CEP112: variants seen among roughly 807,000 people sequenced by gnomAD.
CEP112 encodes the protein centrosomal protein 112.
In CEP112, 127 loss-of-function variants were observed where a neutral mutation model predicts 153.0. The ratio of observed to expected loss-of-function variants is 0.83; its 90% confidence interval spans 0.72 to 0.96. CEP112 has a LOEUF of 0.96. CEP112 is among the 40% of genes least tolerant of loss of function. The pLI, the probability that CEP112 is intolerant of heterozygous loss-of-function variation, is 0.00. For missense variants in CEP112, 1,089 were observed against 1,101.2 expected, an observed-to-expected ratio of 0.99 and a Z score of 0.16; for synonymous variants, 358 against 374.4, an observed-to-expected ratio of 0.96 and a Z score of 0.51.
intron 4 of CEP112, among the ~76,000 whole-genome samples, chr17:66,157,640 C>A (rs1020533080): frequency 7.1e-6 from 1 of 140,058 alleles, no homozygotes; most frequent in Non-Finnish European, 1.5e-5. Context: ...ACCCATCTCA[C>A]ATGCAAAGAC....
At position 65,720,284 on chromosome 17, in the gene CEP112, T is replaced by C. The variant is rs916825523; in HGVS notation, c.2607+22784A>G. 3.3e-5 allele frequency among the ~76,000 whole-genome samples: 5 copies of C among 152,340 alleles called. No individual in the cohort carries two copies. In the East Asian group the frequency reaches 9.6e-4, roughly 29 times the overall value. On this transcript the variant is annotated intron_variant, in intron 23 of 26. Transcript: ENST00000535342. ...TTTTGGAAAGGGCTAGAACACACTA[T>C]GATCTAAAAGATCTGGGCTAGAGAT...
intron 1 of CEP112, among the ~76,000 whole-genome samples, chr17:66,190,094 C>T (rs1045029321): frequency 4.6e-5 from 7 of 151,824 alleles, no homozygotes; most frequent in African/African-American, 1.5e-4. Context: ...CTTTGGGAGG[C>T]CGAGGCGGGA....
intron 18 of CEP112, among the ~76,000 whole-genome samples, chr17:65,948,552 G>A (rs905847088): frequency 6.7e-6 from 1 of 149,274 alleles, no homozygotes; most frequent in Non-Finnish European, 1.5e-5. Context: ...AATATAGAAC[G>A]CTGTTTCTTT....
rs2059899792 is a variant in CEP112 at position 65,902,316 on chromosome 17, C to A, written c.1999G>T (p.Glu667Ter). The change falls in exon 20 of 27, where the codon GAG (glutamate) becomes TAG (stop). Residue 667 changes from glutamate to a stop codon, truncating the protein, a stop_gained. Coordinates refer to ENST00000535342, the MANE Select transcript of CEP112 (RefSeq NM_001199165.4). LOFTEE classifies it high-confidence loss of function. ...AGGTGCGTCTTCTCCTGTTCATGCT[C>A]CAGCTTCAGCTCTACTATCTGATTG... ...YEQQIVELKLEHEQEKTHLLQ... is the reference protein window; with the variant it reads ...YEQQIVELKL 1 of 1,612,936 alleles carries A rather than the reference C, an allele frequency of 6.2e-7. No homozygotes were observed. Among genetic ancestry groups the A allele is most frequent in the Non-Finnish European group, 8.5e-7 (1 of 1,179,662 alleles).
At chr17:65,641,909 G>T (rs1472472932) in intron 24 of CEP112, among the ~76,000 whole-genome samples, 1 of 152,174 alleles carries the variant, frequency 6.6e-6, no homozygotes, top group Non-Finnish European at 1.5e-5. Flanking sequence ...GCATAGGAAG[G>T]TTCCTGGTTC....
At chr17:66,092,895 C>T (rs1209462214) in intron 8 of CEP112, among the ~76,000 whole-genome samples, 1 of 152,122 alleles carries the variant, frequency 6.6e-6, no homozygotes, top group Non-Finnish European at 1.5e-5. Context: ...ACATGAAAAA[C>T]CCATTGATAA....
chr17:66,035,945 C>G (rs1007774054), intron 12 of CEP112, among the ~76,000 whole-genome samples: 2 of 152,194 alleles, frequency 1.3e-5, no homozygotes, highest in African/African-American at 4.8e-5. Context: ...CACATCCACA[C>G]TGGGGAGCCT....
rs144907841 is a variant in CEP112 at position 66,154,743 on chromosome 17, CA to C, written c.470+20300del. Among the ~76,000 whole-genome samples the C allele has an allele frequency of 4.3e-3, 636 of 147,746 alleles. 3 individuals are homozygous for C. Among genetic ancestry groups the C allele is most frequent in the Middle Eastern group, 0.01 (3 of 286 alleles). The stretch of plus-strand genomic sequence containing the variant: ...GAGGTAAGAAATCTCAAACAGGAAA[CA>C]AAAAAAAACAACAGAGTCAACTGAC... On this transcript the variant is annotated intron_variant, in intron 4 of 26. Coordinates refer to ENST00000535342, the MANE Select transcript of CEP112 (RefSeq NM_001199165.4).
At chr17:65,975,987 C>T (rs192098759) in intron 17 of CEP112, among the ~76,000 whole-genome samples, 4 of 152,338 alleles carry the variant, frequency 2.6e-5, no homozygotes, top group Non-Finnish European at 2.9e-5. Context: ...GGATGTGTTA[C>T]GCAATCCTCC....
intron 17 of CEP112, among the ~76,000 whole-genome samples, chr17:66,005,280 T>C (rs937976345): frequency 1.3e-5 from 2 of 152,184 alleles, no homozygotes; most frequent in African/African-American, 4.8e-5. Context: ...GACAAACTCT[T>C]TCCTAAATAA....
chr17:65,997,504 G>A (rs2145336664), intron 17 of CEP112, among the ~76,000 whole-genome samples: 1 of 152,138 alleles, frequency 6.6e-6, no homozygotes, highest in East Asian at 1.9e-4. Flanking sequence ...AAGTGATTTG[G>A]GACAAACTGA....
intron 10 of CEP112, among the ~76,000 whole-genome samples, chr17:66,065,116 T>C (rs1256146287): frequency 6.6e-6 from 1 of 152,192 alleles, no homozygotes; most frequent in African/African-American, 2.4e-5. Flanking sequence ...ATTCACTAAA[T>C]CATGATTCAC....
chr17:65,956,769 C>T lies in CEP112; in HGVS notation c.1872+4694G>A, dbSNP rs796842274. Among the ~76,000 whole-genome samples, 9 of 151,684 alleles carry T rather than the reference C, an allele frequency of 5.9e-5. No individual in the cohort carries two copies. In the South Asian group the frequency reaches 8.3e-4, roughly 14 times the overall value. On this transcript the variant is annotated intron_variant, in intron 18 of 26. Transcript: ENST00000535342. ...CCAAGCACCACCTGTGCCCCAAAAA[C>T]CTATTGAAATAAAAAAATAAAAAAT...
intron 16 of CEP112, among the ~76,000 whole-genome samples, chr17:66,021,414 G>A (rs1275888526): frequency 6.6e-6 from 1 of 152,206 alleles, no homozygotes; most frequent in Non-Finnish European, 1.5e-5. Context: ...AATAGGAGGA[G>A]AGTTGCTGAA....
At chr17:66,070,442 T>C (rs2067269887) in intron 8 of CEP112, among the ~76,000 whole-genome samples, 1 of 152,142 alleles carries the variant, frequency 6.6e-6, no homozygotes, top group Non-Finnish European at 1.5e-5. Context: ...TTAACCTACA[T>C]ATGTAAATAT....
In CEP112 at chr17:66,063,998, C is replaced by T. The variant is rs2067021539; in HGVS notation, c.956-917G>A. Among the ~76,000 whole-genome samples, 2 of 152,132 alleles carry T rather than the reference C, an allele frequency of 1.3e-5. 1 individual carries two copies. Among genetic ancestry groups the T allele is most frequent in the South Asian group, 4.1e-4 (2 of 4,830 alleles). On this transcript the variant is annotated intron_variant, in intron 10 of 26. Coordinates refer to ENST00000535342, the MANE Select transcript of CEP112 (RefSeq NM_001199165.4). ...TGAAAAATCACACCTTCTTTATGAACCAGTCATAAAGAATCACTAAATCAT... is the reference window on the plus strand; with the variant it reads ...TGAAAAATCACACCTTCTTTATGAATCAGTCATAAAGAATCACTAAATCAT...
rs1042359595 is a variant in CEP112 at position 66,112,235 on chromosome 17, G to A, written c.643-15603C>T. The stretch of plus-strand genomic sequence containing the variant: ...GAACTCGGGAGGCGGAGGTTGCAGT[G>A]AGCCAAGATGGGGCCATCGCACTCC... On this transcript the variant is annotated intron_variant, in intron 6 of 26. Transcript: ENST00000535342. Among the ~76,000 whole-genome samples, 7 of 151,962 alleles carry A rather than the reference G, an allele frequency of 4.6e-5. No individual in the cohort carries two copies. The East Asian group carries it at 1.4e-3, about 29-fold the overall frequency.
chr17:66,019,438 G>A (rs1262832137), intron 16 of CEP112, among the ~76,000 whole-genome samples: 1 of 152,118 alleles, frequency 6.6e-6, no homozygotes, highest in Non-Finnish European at 1.5e-5. Context: ...AGGGATATAA[G>A]ACATCAAAAC....
chr17:66,044,738 G>A (rs1252794592), intron 12 of CEP112, among the ~76,000 whole-genome samples: 1 of 152,190 alleles, frequency 6.6e-6, no homozygotes, highest in Non-Finnish European at 1.5e-5. Context: ...TGGGTACAAA[G>A]TATTAGGAAA....
Sources: allele counts gnomAD v4.1 joint callset (sites outside exome capture counted in the v4.1 genomes callset), GRCh38; gene constraint gnomAD v4.1.1; transcripts MANE v1.5; gene names NCBI Gene and HGNC (gene_info 2026-07-23, HGNC 2026-07-21).